The following STK33 variants were observed in gnomAD, a reference collection of about 807,000 sequenced individuals.
STK33 encodes serine/threonine-protein kinase 33.
Under a neutral mutation model 58.0 loss-of-function variants are expected in STK33, and 52 were observed. That is an observed-to-expected ratio of 0.90 (90% confidence interval 0.72 to 1.13). The LOEUF (loss-of-function observed/expected upper bound fraction) is 1.13, where lower values mean the gene tolerates loss of function less well. Ranked by LOEUF, STK33 falls within the 50% of genes most tolerant of loss-of-function variation. The pLI, the probability that STK33 is intolerant of heterozygous loss-of-function variation, is 0.00. For missense variants in STK33, 630 were observed against 604.2 expected, an observed-to-expected ratio of 1.04 and a Z score of -0.45; for synonymous variants, 215 against 200.1, an observed-to-expected ratio of 1.07 and a Z score of -0.63.
rs184754491 is a variant in STK33, at chr11:8,456,248, T to A, written c.697+1093A>T. ...CCTCTGCCTAGAAAGCCTGCCTTTT[T>A]AATTTTTTTCTGAGTTTGTATTCCT... On this transcript the variant is annotated intron_variant, in intron 9 of 15. Transcript: ENST00000687296. Among the ~76,000 whole-genome samples, 582 of 152,354 alleles carry A rather than the reference T, an allele frequency of 3.8e-3. 2 individuals carry two copies. Among genetic ancestry groups the A allele is most frequent in the African/African-American group, 0.013 (553 of 41,580 alleles).
chr11:8,450,299 C>T (rs1265782113), intron 11 of STK33, among the ~76,000 whole-genome samples: 3 of 151,996 alleles, frequency 2.0e-5, no homozygotes, highest in African/African-American at 7.3e-5. Context: ...AGCAAAGTAC[C>T]ACAGGAACAT....
At chr11:8,340,522 T>A in the STK33 span, among the ~76,000 whole-genome samples, 1 of 152,242 alleles carries the variant, frequency 6.6e-6, no homozygotes, top group Non-Finnish European at 1.5e-5. Flanking sequence ...ACTCTTGAAC[T>A]GTGATTATCC....
chr11:8,362,504 G>A, the STK33 span, among the ~76,000 whole-genome samples: 1 of 152,110 alleles, frequency 6.6e-6, no homozygotes, highest in East Asian at 1.9e-4. Context: ...GATGACAAAT[G>A]AACTCAAAGA....
At chr11:8,431,559 C>T (rs1184022754) in intron 14 of STK33, among the ~76,000 whole-genome samples, 1 of 152,164 alleles carries the variant, frequency 6.6e-6, no homozygotes, top group East Asian at 1.9e-4. Flanking sequence ...AAATTAATTA[C>T]TCAAGGAGAG....
At chr11:8,378,779 G>A in the STK33 span, among the ~76,000 whole-genome samples, 69,877 of 151,582 alleles carry the variant, frequency 0.46, 16,314 homozygotes, top group East Asian at 0.6. Flanking sequence ...TTTTCACAGA[G>A]TTAGAAAAAA....
chr11:8,406,642 A>G (rs1221006678), intron 15 of STK33, among the ~76,000 whole-genome samples: 1 of 152,096 alleles, frequency 6.6e-6, no homozygotes, highest in African/African-American at 2.4e-5. Flanking sequence ...TAGTATTTTA[A>G]AATTTTATTT....
intron 2 of STK33, among the ~76,000 whole-genome samples, chr11:8,477,874 T>C (rs1949430920): frequency 6.6e-6 from 1 of 152,180 alleles, no homozygotes; most frequent in Non-Finnish European, 1.5e-5. Flanking sequence ...TTTCTTTCTA[T>C]TACTCACTGA....
intron 1 of STK33, among the ~76,000 whole-genome samples, chr11:8,506,587 G>A (rs150157855): frequency 6.6e-6 from 1 of 151,508 alleles, no homozygotes; most frequent in South Asian, 2.1e-4. Context: ...GGACTCGTGT[G>A]ATTAGATTGG....
the STK33 span, among the ~76,000 whole-genome samples, chr11:8,366,839 A>G: frequency 6.6e-6 from 1 of 152,222 alleles, no homozygotes; most frequent in South Asian, 2.1e-4. Flanking sequence ...TGCAGCCTTC[A>G]GCGCTGAAGG....
At chr11:8,388,995 A>G (rs1473682767), downstream of STK33, among the ~76,000 whole-genome samples, 1 of 152,202 alleles carries the variant, frequency 6.6e-6, no homozygotes, top group Non-Finnish European at 1.5e-5. Context: ...GCAGCCAGAG[A>G]CAAAACTACC....
intron 14 of STK33, chr11:8,434,219 G>C: frequency 6.4e-6 from 1 of 156,996 alleles, no homozygotes; most frequent in South Asian, 1.3e-4. Flanking sequence ...CTGCACTCCA[G>C]CCTGGTGACA....
intron 1 of STK33, among the ~76,000 whole-genome samples, chr11:8,509,703 C>G (rs1363186210): frequency 6.6e-6 from 1 of 152,108 alleles, no homozygotes; most frequent in East Asian, 1.9e-4. Context: ...TTATATCATT[C>G]TTATGCCTTT....
At chr11:8,586,317 T>C (rs2031619809) in intron 1 of STK33, among the ~76,000 whole-genome samples, 1 of 151,960 alleles carries the variant, frequency 6.6e-6, no homozygotes, top group Non-Finnish European at 1.5e-5. Context: ...AGTCATTGTC[T>C]GCCATTATTC....
chr11:8,464,957 T>C (rs1948002236), intron 6 of STK33, 135 bp from the exon 7 acceptor site: 1 of 524,244 alleles, frequency 1.9e-6, no homozygotes, highest in Non-Finnish European at 3.3e-6. Context: ...GAAGACACTA[T>C]ATATTTGCTT....
chr11:8,380,536 G>T, the STK33 span, among the ~76,000 whole-genome samples: 2 of 148,224 alleles, frequency 1.3e-5, no homozygotes, highest in Non-Finnish European at 3.0e-5. Flanking sequence ...CTCCAGCCTG[G>T]TTGACAAGAG....
intron 1 of STK33, among the ~76,000 whole-genome samples, chr11:8,566,568 G>A (rs1957457189): frequency 6.6e-6 from 1 of 152,146 alleles, no homozygotes; most frequent in Admixed American, 6.5e-5. Flanking sequence ...GCATCTCATA[G>A]GATATCTTGA....
chr11:8,441,706 G>T (rs779501899), intron 11 of STK33, among the ~76,000 whole-genome samples: 1 of 151,682 alleles, frequency 6.6e-6, no homozygotes, highest in Non-Finnish European at 1.5e-5. Flanking sequence ...CATGTCTATT[G>T]TACCTCTATA....
At chr11:8,363,375 A>G in the STK33 span, among the ~76,000 whole-genome samples, 1 of 152,216 alleles carries the variant, frequency 6.6e-6, no homozygotes, top group Non-Finnish European at 1.5e-5. Context: ...AAATAAATTT[A>G]CATATGCCTG....
intron 1 of STK33, among the ~76,000 whole-genome samples, chr11:8,542,161 A>T (rs902887792): frequency 1.4e-4 from 21 of 152,208 alleles, no homozygotes; most frequent in African/African-American, 4.1e-4. Context: ...TTGATTCAGG[A>T]TGTCATAAAT....
Sources: allele counts gnomAD v4.1 joint callset (sites outside exome capture counted in the v4.1 genomes callset), GRCh38; gene constraint gnomAD v4.1.1; transcripts MANE v1.5; gene names NCBI Gene and HGNC (gene_info 2026-07-23, HGNC 2026-07-21).